The following NUBP1 variants were observed in gnomAD, a reference collection of about 807,000 sequenced individuals.
The protein encoded by NUBP1 is cytosolic Fe-S cluster assembly factor NUBP1.
NUBP1 carries 46 observed loss-of-function variants against 41.8 expected under a neutral mutation model. The observed-to-expected ratio is 1.10, with a 90% CI of 0.87 to 1.41. NUBP1 has a LOEUF of 1.41. NUBP1 is among the 40% of genes most tolerant of loss of function. NUBP1 has a pLI of 0.00. For synonymous variants in NUBP1, 189 were observed against 154.6 expected (o/e 1.22, Z -1.65); for missense variants, 494 against 414.0 (o/e 1.19, Z -1.68).
At chr16:10,756,803 GTC>G in intron 6 of NUBP1, 23 bp downstream of exon 6, 1 of 1,579,394 alleles carries the variant, frequency 6.3e-7, no homozygotes, top group Non-Finnish European at 8.6e-7. Flanking sequence ...GCCTTTTTTT[GTC>G]TCTCACATTC....
At chr16:10,744,123 G>C in intron 2 of NUBP1, 58 bp downstream of exon 2, 1 of 1,382,452 alleles carries the variant, frequency 7.2e-7, no homozygotes. Context: ...GAAAAGGCGG[G>C]GCGTGGGAGG....
At chr16:10,750,832 G>A (rs1045822598) in intron 3 of NUBP1, among the ~76,000 whole-genome samples, 2 of 152,180 alleles carry the variant, frequency 1.3e-5, no homozygotes, top group Non-Finnish European at 2.9e-5. Context: ...TAAAGGAGAC[G>A]CTTTGGGTCC....
intron 3 of NUBP1, 58 bp from the exon 4 acceptor site, chr16:10,752,552 T>G: frequency 1.5e-6 from 2 of 1,370,074 alleles, no homozygotes; most frequent in African/African-American, 1.4e-5. Flanking sequence ...CCTAGTTGTG[T>G]GTGTCTGGAG....
At position 10,757,809 on chromosome 16, in the gene NUBP1, G is replaced by A; in HGVS notation, c.452-64G>A. ...AAGACCCCATCCTTTAAAAAAAAAA[G>A]AGGGAGTTGAAAGTACAGAAAAGAA... On this transcript the variant is annotated intron_variant, in intron 6 of 10. Coordinates refer to ENST00000283027, the MANE Select transcript of NUBP1 (RefSeq NM_002484.4). The surrounding 1 kb of genome is among the most constrained non-coding windows in gnomAD (Gnocchi z 4.1). 1.3e-6 allele frequency: 2 copies of A among 1,560,670 alleles called. No individual in the cohort carries two copies. The highest frequency in any genetic ancestry group is 4.5e-5 in the East Asian group (2 of 44,012).
Position 10,766,766 on chromosome 16 carries a change from C to T in NUBP1, c.821-1183C>T. 2 of 396,646 alleles carry T rather than the reference C, an allele frequency of 5.0e-6. No individual in the cohort carries two copies. The highest frequency in any genetic ancestry group is 8.9e-6 in the Non-Finnish European group (2 of 225,336). The allele number at this position is 396,646 out of a possible 1,614,324, so 24.6% of individuals were successfully genotyped here. On this transcript the variant is annotated intron_variant, in intron 9 of 10. Transcript: ENST00000283027. The surrounding 1 kb of genome is among the most constrained non-coding windows in gnomAD (Gnocchi z 4.8). ...CCTGAGAATAGGGGCTCAAAGGCCC[C>T]ATTACAGAGTTTTTGTGTTTAAATA...
chr16:10,757,795 C>T lies in NUBP1; in HGVS notation c.452-78C>T, dbSNP rs1403618784. The stretch of plus-strand genomic sequence containing the variant: ...CTGGGCAACATAGCAAGACCCCATC[C>T]TTTAAAAAAAAAAGAGGGAGTTGAA... On this transcript the variant is annotated intron_variant, in intron 6 of 10. Transcript: ENST00000283027. The surrounding 1 kb of genome is among the most constrained non-coding windows in gnomAD (Gnocchi z 4.1). 1 of 1,551,256 alleles carries T rather than the reference C, an allele frequency of 6.4e-7. No homozygotes were observed. Among genetic ancestry groups the T allele is most frequent in the Non-Finnish European group, 8.8e-7 (1 of 1,139,958 alleles).
intron 2 of NUBP1, among the ~76,000 whole-genome samples, chr16:10,745,905 G>C (rs146168864): frequency 1.1e-4 from 17 of 152,352 alleles, no homozygotes; most frequent in South Asian, 6.2e-4. Context: ...ACAGACATCA[G>C]TAATAGGGAA....
Position 10,759,310 on chromosome 16 carries a change from G to C in NUBP1, c.606+1283G>C, listed in dbSNP as rs574755847. 5.9e-5 allele frequency among the ~76,000 whole-genome samples: 9 copies of C among 152,328 alleles called. No homozygotes were observed. Among genetic ancestry groups the C allele is most frequent in the African/African-American group, 2.2e-4 (9 of 41,576 alleles). ...GGAAGGGTGTCCGGGTCAGAAAATG[G>C]TGCAAGATTCATGTCCACCCTGGCA... On this transcript the variant is annotated intron_variant, in intron 7 of 10. Coordinates refer to ENST00000283027, the MANE Select transcript of NUBP1 (RefSeq NM_002484.4). This position sits in a 1 kb window ranked among gnomAD's most constrained non-coding sequence, Gnocchi z 4.7.
chr16:10,744,883 G>A (rs1227639127), intron 2 of NUBP1, among the ~76,000 whole-genome samples: 5 of 151,522 alleles, frequency 3.3e-5, no homozygotes, highest in Admixed American at 6.6e-5. Context: ...TCAGTCTCCC[G>A]AGTACCTGGG....
Position 10,755,835 on chromosome 16 carries a change from A to T in NUBP1, c.360+82A>T, listed in dbSNP as rs1018296541. The T allele has an allele frequency of 1.3e-5, 17 of 1,334,478 alleles. No homozygotes were observed. The African/African-American group carries it at 2.5e-4, about 19-fold the overall frequency. 82.7% of individuals were successfully genotyped at this position (1,334,478 alleles called of 1,614,324 possible). A position where few individuals can be genotyped will look rare whatever the true frequency, so the allele number is the denominator to read the frequency against. On this transcript the variant is annotated intron_variant, in intron 5 of 10. Coordinates refer to ENST00000283027, the MANE Select transcript of NUBP1 (RefSeq NM_002484.4). ...ATGGGTTTGTGGTTTGTTGGTCCAT[A>T]GGTATTTATTAGGGTACTTTTCGAG...
intron 3 of NUBP1, among the ~76,000 whole-genome samples, chr16:10,748,734 A>G (rs967808955): frequency 6.6e-6 from 1 of 152,184 alleles, no homozygotes; most frequent in Non-Finnish European, 1.5e-5. Context: ...AGGGATGATG[A>G]TTACATCTGC....
In NUBP1 at chr16:10,767,857, C is replaced by T; in HGVS notation, c.821-92C>T. 1 of 1,173,882 alleles carries T rather than the reference C, an allele frequency of 8.5e-7. No homozygotes were observed. The highest frequency in any genetic ancestry group is 1.3e-6 in the Non-Finnish European group (1 of 785,598). The allele number at this position is 1,173,882 out of a possible 1,614,324, so 72.7% of individuals were successfully genotyped here. A position where few individuals can be genotyped will look rare whatever the true frequency, so the allele number is the denominator to read the frequency against. ...GAGTGAAGCGGGCTCAAGATCTTCC[C>T]ATTGTCACCAGCACGGAAAGAGCCC... On this transcript the variant is annotated intron_variant, in intron 9 of 10. Coordinates refer to ENST00000283027, the MANE Select transcript of NUBP1 (RefSeq NM_002484.4). This position sits in a 1 kb window ranked among gnomAD's most constrained non-coding sequence, Gnocchi z 4.6.
chr16:10,745,575 G>C (rs1440192109), intron 2 of NUBP1, among the ~76,000 whole-genome samples: 1 of 152,258 alleles, frequency 6.6e-6, no homozygotes, highest in Admixed American at 6.5e-5. Context: ...GAAAATACAA[G>C]TGACAGAAAC....
At chr16:10,745,750 ATAAAG>A (rs1235359462) in intron 2 of NUBP1, among the ~76,000 whole-genome samples, 3 of 152,390 alleles carry the variant, frequency 2.0e-5, no homozygotes, top group African/African-American at 4.8e-5. Context: ...TATTCAGAAA[ATAAAG>A]TAAACATTCA....
intron 3 of NUBP1, among the ~76,000 whole-genome samples, chr16:10,747,503 C>T (rs562550260): frequency 2.6e-5 from 4 of 152,288 alleles, no homozygotes; most frequent in Admixed American, 6.5e-5. Flanking sequence ...GGCGTGGTAG[C>T]GCAGGCTTGT....
rs1055746487 is a variant in NUBP1, at chr16:10,768,040, T to C, written c.904+8T>C. The C allele has an allele frequency of 6.2e-7, 1 of 1,613,194 alleles. No homozygotes were observed. Among genetic ancestry groups the C allele is most frequent in the Non-Finnish European group, 8.5e-7 (1 of 1,179,258 alleles). On this transcript the variant is annotated splice_region_variant and intron_variant, in intron 10 of 10. Coordinates refer to ENST00000283027, the MANE Select transcript of NUBP1 (RefSeq NM_002484.4). The surrounding 1 kb of genome is among the most constrained non-coding windows in gnomAD (Gnocchi z 4.3). ...ACAGAAGTATAATTCAGAGTAAGTATTTCCATGAGTACTAAATGCAGATGC... is the reference window on the plus strand; with the variant it reads ...ACAGAAGTATAATTCAGAGTAAGTACTTCCATGAGTACTAAATGCAGATGC...
chr16:10,750,611 T>A (rs1307953725), intron 3 of NUBP1, among the ~76,000 whole-genome samples: 3 of 152,148 alleles, frequency 2.0e-5, no homozygotes, highest in African/African-American at 4.8e-5. Context: ...CAGCACTAGG[T>A]GTTTCAGGAC....
chr16:10,761,495 C>G (rs746585413), intron 8 of NUBP1, 21 bp downstream of exon 8: 1 of 1,594,680 alleles, frequency 6.3e-7, no homozygotes, highest in Non-Finnish European at 8.6e-7. Flanking sequence ...GTGGGGCTGC[C>G]AGGCGAGCAA....
chr16:10,768,375 G>C lies in NUBP1; in HGVS notation c.904+343G>C, dbSNP rs756309240. The C allele has an allele frequency of 1.3e-4, 24 of 182,554 alleles. No homozygotes were observed. The highest frequency in any genetic ancestry group is 2.3e-4 in the South Asian group (2 of 8,594). The allele number at this position is 182,554 out of a possible 1,614,324, so 11.3% of individuals were successfully genotyped here. A position where few individuals can be genotyped will look rare whatever the true frequency, so the allele number is the denominator to read the frequency against. ...CCCAGCACTTTGGGTGAAGGAGGCA[G>C]GCAGATCACTTGAGGCTGGTCAGGA... On this transcript the variant is annotated intron_variant, in intron 10 of 10. Transcript: ENST00000283027. This position sits in a 1 kb window ranked among gnomAD's most constrained non-coding sequence, Gnocchi z 4.3.
Sources: gnomAD v4.1 joint callset for allele counts (sites outside exome capture counted in the v4.1 genomes callset) on GRCh38, gnomAD v4.1.1 for gene constraint, Gnocchi (gnomAD v3.1) non-coding constraint, MANE v1.5 for transcripts, NCBI Gene and HGNC (gene_info 2026-07-23, HGNC 2026-07-21) for gene names.